EIF4E3: variants seen among roughly 807,000 people sequenced by gnomAD.
EIF4E3 encodes the protein eukaryotic translation initiation factor 4E family member 3, also known as eukaryotic translation initiation factor 4E type 3.
In EIF4E3, 26 loss-of-function variants were observed where a neutral mutation model predicts 31.7. That is an observed-to-expected ratio of 0.82 (90% CI 0.60 to 1.14). The LOEUF (loss-of-function observed/expected upper bound fraction) is 1.14. EIF4E3 is among the 50% of genes most tolerant of loss of function. The pLI, the probability that EIF4E3 is intolerant of heterozygous loss-of-function variation, is 0.00. For synonymous variants in EIF4E3, 128 were observed against 107.7 expected (o/e 1.19, Z -1.17); for missense variants, 304 against 270.9 (o/e 1.12, Z -0.86).
chr3:71,710,172 G>A (rs146512363), intron 2 of EIF4E3, among the ~76,000 whole-genome samples: 40 of 152,296 alleles, frequency 2.6e-4, no homozygotes, highest in Non-Finnish European at 5.1e-4. Flanking sequence ...TCTATGAAAG[G>A]TTTAGGTAGT....
At chr3:71,717,224 C>G (rs550723497) in intron 1 of EIF4E3, among the ~76,000 whole-genome samples, 89 of 152,290 alleles carry the variant, frequency 5.8e-4, no homozygotes, top group African/African-American at 2.1e-3. Context: ...CCTCATGAGA[C>G]CTGCTAAATC....
At chr3:71,698,501 C>A (rs1338614821) in intron 3 of EIF4E3, among the ~76,000 whole-genome samples, 1 of 152,212 alleles carries the variant, frequency 6.6e-6, no homozygotes, top group African/African-American at 2.4e-5. Context: ...CAGTTTCCCT[C>A]TAAAGAGCCA....
At chr3:71,672,653 G>T (rs781313294), downstream of EIF4E3, among the ~76,000 whole-genome samples, 2 of 152,178 alleles carry the variant, frequency 1.3e-5, no homozygotes, top group Non-Finnish European at 2.9e-5. Context: ...GATCTGCTCG[G>T]AGCCCGGCCT....
At chr3:71,730,963 A>T (rs1198262726) in intron 1 of EIF4E3, among the ~76,000 whole-genome samples, 1 of 151,984 alleles carries the variant, frequency 6.6e-6, no homozygotes, top group East Asian at 1.9e-4. Context: ...GCCTCAAGTG[A>T]TCCTCCCACA....
intron 2 of EIF4E3, among the ~76,000 whole-genome samples, chr3:71,705,130 A>AC (rs2049271630): frequency 6.6e-6 from 1 of 151,682 alleles, no homozygotes; most frequent in Non-Finnish European, 1.5e-5. Flanking sequence ...CAAGTGGTTC[A>AC]CTCCAGGTCA....
chr3:71,660,224 T>C, the EIF4E3 span, among the ~76,000 whole-genome samples: 1 of 152,182 alleles, frequency 6.6e-6, no homozygotes, highest in East Asian at 1.9e-4. Flanking sequence ...GAGGTTATCC[T>C]GTCTGAATCG....
exon 1 of EIF4E3, chr3:71,753,607 G>C (rs1224076422): frequency 6.8e-6 from 1 of 147,892 alleles, no homozygotes; most frequent in Admixed American, 6.7e-5. Flanking sequence ...GGCTGGCGGC[G>C]GCGGCCGCGC....
the EIF4E3 span, among the ~76,000 whole-genome samples, chr3:71,668,450 T>C: frequency 1.3e-5 from 2 of 151,596 alleles, no homozygotes; most frequent in African/African-American, 2.4e-5. Flanking sequence ...ATCATCAGAG[T>C]GAACAGGCAA....
At chr3:71,722,778 G>GT (rs963975478) in intron 1 of EIF4E3, among the ~76,000 whole-genome samples, 1 of 152,230 alleles carries the variant, frequency 6.6e-6, no homozygotes, top group African/African-American at 2.4e-5. Flanking sequence ...GTTTGTTGGG[G>GT]TGTGGGTATG....
intron 1 of EIF4E3, among the ~76,000 whole-genome samples, chr3:71,749,199 C>T (rs2108163876): frequency 6.6e-6 from 1 of 152,332 alleles, no homozygotes; most frequent in East Asian, 1.9e-4. Flanking sequence ...TCAGAGCAGG[C>T]AAGAGACTTG....
the EIF4E3 span, among the ~76,000 whole-genome samples, chr3:71,660,753 C>T: frequency 6.6e-6 from 1 of 152,024 alleles, no homozygotes; most frequent in Admixed American, 6.5e-5. Context: ...CACCGAAGCC[C>T]AAAAAAATAA....
At position 71,676,742 on chromosome 3, in the gene EIF4E3, TTTC is replaced by T. The variant is rs2048877526; in HGVS notation, c.*7937_*7939del. On this transcript the variant is annotated 3_prime_UTR_variant, in exon 7 of 7. Transcript: ENST00000425534. ...AAAATGTGGATTCCAAGATGTTTGT[TTTC>T]AAAAAAAAAAAAAAATTCTGAAAAA... 2.0e-5 allele frequency: 3 copies of T among 151,960 alleles called. No individual in the cohort carries two copies. The highest frequency in any genetic ancestry group is 4.8e-5 in the African/African-American group (2 of 41,462). 9.4% of individuals were successfully genotyped at this position (151,960 alleles called of 1,614,324 possible). A position where few individuals can be genotyped will look rare whatever the true frequency, so the allele number is the denominator to read the frequency against.
At chr3:71,738,346 G>A (rs1264922747) in intron 1 of EIF4E3, among the ~76,000 whole-genome samples, 1 of 152,180 alleles carries the variant, frequency 6.6e-6, no homozygotes, top group Non-Finnish European at 1.5e-5. Context: ...ACCAGGTAGA[G>A]TGGATTAAAT....
intron 1 of EIF4E3, among the ~76,000 whole-genome samples, chr3:71,741,194 G>GCACACACA (rs147940981): frequency 0.15 from 22,798 of 149,224 alleles, 1,817 homozygotes; most frequent in East Asian, 0.31. Context: ...ACATGCACGC[G>GCACACACA]CACACACACA....
Position 71,679,264 on chromosome 3 carries a change from G to A in EIF4E3, c.*5418C>T, listed in dbSNP as rs891807790. ...TGAGAGGTAGCATAAATTTTCTATA[G>A]AAAACTCAGAAACACTCAATTTACT... On this transcript the variant is annotated 3_prime_UTR_variant, in exon 7 of 7. Transcript: ENST00000425534. The A allele has an allele frequency of 2.6e-5, 4 of 152,082 alleles. No homozygotes were observed. The highest frequency in any genetic ancestry group is 7.2e-5 in the African/African-American group (3 of 41,396). The allele number at this position is 152,082 out of a possible 1,614,324, so 9.4% of individuals were successfully genotyped here.
intron 1 of EIF4E3, among the ~76,000 whole-genome samples, chr3:71,730,925 T>C (rs1216056712): frequency 6.6e-6 from 1 of 152,152 alleles, no homozygotes; most frequent in Admixed American, 6.5e-5. Context: ...GGTTTCACCA[T>C]GTTGTTCAGG....
intron 2 of EIF4E3, among the ~76,000 whole-genome samples, chr3:71,705,431 G>A (rs573990077): frequency 6.6e-6 from 1 of 152,264 alleles, no homozygotes; most frequent in South Asian, 2.1e-4. Flanking sequence ...ATTTCAATAG[G>A]TTATATATAC....
At chr3:71,736,491 C>T (rs779453845) in intron 1 of EIF4E3, among the ~76,000 whole-genome samples, 12 of 152,168 alleles carry the variant, frequency 7.9e-5, no homozygotes, top group African/African-American at 1.2e-4. Flanking sequence ...TGAGCTATTA[C>T]ACCATGAAAA....
At chr3:71,725,575 C>T (rs188640723), upstream of EIF4E3, among the ~76,000 whole-genome samples, 50 of 151,704 alleles carry the variant, frequency 3.3e-4, no homozygotes, top group African/African-American at 1.2e-3. The surrounding 1 kb of genome is among the most constrained non-coding windows in gnomAD (Gnocchi z 6.1). Flanking sequence ...CCGGGGCCGC[C>T]GAACAAAGAC....
Sources: gnomAD v4.1 joint callset for allele counts (sites outside exome capture counted in the v4.1 genomes callset) on GRCh38, gnomAD v4.1.1 for gene constraint, Gnocchi (gnomAD v3.1) non-coding constraint, MANE v1.5 for transcripts, NCBI Gene and HGNC (gene_info 2026-07-23, HGNC 2026-07-21) for gene names.